Variants in LIMK1 observed in about 807,000 individuals in gnomAD.
LIMK1 encodes LIM domain kinase 1.
LIMK1 carries 21 observed loss-of-function variants against 77.6 expected under a neutral mutation model. That is an observed-to-expected ratio of 0.27 (90% CI 0.19 to 0.39). LIMK1 has a LOEUF of 0.39. Ranked by LOEUF, LIMK1 falls within the 10% of genes least tolerant of loss-of-function variation. The probability of loss-of-function intolerance (pLI) is 1.00; values close to 1 mark genes in which losing one functional copy is unlikely to be tolerated. For synonymous variants in LIMK1, 358 were observed against 370.0 expected, an observed-to-expected ratio of 0.97 and a Z score of 0.37; for missense variants, 696 against 901.6, an observed-to-expected ratio of 0.77 and a Z score of 2.92.
chr7:74,111,893 C>A, intron 11 of LIMK1, 40 bp from the exon 12 acceptor site: 1 of 1,576,636 alleles, frequency 6.3e-7, no homozygotes, highest in Non-Finnish European at 8.7e-7. Context: ...TGGGGTCCCT[C>A]TGCACAGCTG....
chr7:74,110,346 A>C (rs537091074), intron 10 of LIMK1: 1 of 152,078 alleles, frequency 6.6e-6, no homozygotes, highest in African/African-American at 2.4e-5. Flanking sequence ...AAAAATAAAG[A>C]TCTCCAAGGG....
At chr7:74,085,681 GGCAA>G in intron 1 of LIMK1, 63 bp from the exon 2 acceptor site, 1 of 1,299,460 alleles carries the variant, frequency 7.7e-7, no homozygotes, top group Non-Finnish European at 1.1e-6. Flanking sequence ...GGGTGGGCAG[GGCAA>G]GCTGGGCCTG....
In LIMK1 at chr7:74,084,041, G is replaced by A. The variant is rs373412508; in HGVS notation, c.51G>A (p.Glu17=). 4.0e-6 allele frequency: 6 copies of A among 1,495,460 alleles called. No individual in the cohort carries two copies. In the South Asian group the frequency reaches 5.1e-5, roughly 13 times the overall value. 92.6% of individuals were successfully genotyped at this position (1,495,460 alleles called of 1,614,324 possible). A position where few individuals can be genotyped will look rare whatever the true frequency, so the allele number is the denominator to read the frequency against. Residue 17 remains glutamate (E), a synonymous_variant, in exon 1 of 16, where the codon GAG becomes GAA. Coordinates refer to ENST00000336180, the MANE Select transcript of LIMK1 (RefSeq NM_002314.4). ...CCTGGAGGGAAGAACGTATGGGAGAGGAAGGTGCGCGGGCCGCGGGGTGTG... is the reference window on the plus strand; with the variant it reads ...CCTGGAGGGAAGAACGTATGGGAGAAGAAGGTGCGCGGGCCGCGGGGTGTG... ...CCTWREERMG[E]EGSELPVCAS...
In LIMK1 at chr7:74,105,954, C is replaced by A. The variant is rs1277225686; in HGVS notation, c.688C>A (p.Pro230Thr). ...CCGGATCTTGGAAATCAATGGCACG[C>A]CCATCCGAAATGTGCCCCTGGACGA... ...GDRILEINGT[P>T]IRNVPLDEID... The change falls in exon 6 of 16, where the codon CCC becomes ACC. Residue 230 changes from proline to threonine, a missense_variant. Physicochemically the swap from Pro to Thr is conservative, Grantham distance 38. This residue lies in a region of LIMK1 where 438 missense variants were observed against 602.3 expected (regional missense o/e 0.73). Coordinates refer to ENST00000336180, the MANE Select transcript of LIMK1 (RefSeq NM_002314.4). 17 of 1,613,964 alleles carry A rather than the reference C, an allele frequency of 1.1e-5. No homozygotes were observed. The highest frequency in any genetic ancestry group is 1.4e-5 in the Non-Finnish European group (17 of 1,180,010).
rs558872472 is a variant in LIMK1 at position 74,116,517 on chromosome 7, G to A, written c.1567+559G>A. On this transcript the variant is annotated intron_variant, in intron 13 of 15. Coordinates refer to ENST00000336180, the MANE Select transcript of LIMK1 (RefSeq NM_002314.4). ...CTCACCGGGCTGAAATCAAGACGCC[G>A]GTAGGGTGAGCTCCTTCTGCAGGCT... Among the ~76,000 whole-genome samples, 271 of 152,200 alleles carry A rather than the reference G, an allele frequency of 1.8e-3. 1 individual carries two copies. The highest frequency in any genetic ancestry group is 6.2e-3 in the African/African-American group (258 of 41,540).
chr7:74,118,583 C>T lies in LIMK1; in HGVS notation c.1568-2000C>T, dbSNP rs1799868565. Among the ~76,000 whole-genome samples the T allele has an allele frequency of 2.6e-5, 4 of 151,828 alleles. No individual in the cohort carries two copies. The South Asian group carries it at 8.3e-4, about 31-fold the overall frequency. ...TGGCCAACACAGTGAAACCCCATCT[C>T]TACTAAAAATACAAAAATTAGCTGG... On this transcript the variant is annotated intron_variant, in intron 13 of 15. Transcript: ENST00000336180.
intron 9 of LIMK1, among the ~76,000 whole-genome samples, chr7:74,108,262 C>T (rs531986990): frequency 6.6e-6 from 1 of 152,120 alleles, no homozygotes; most frequent in Non-Finnish European, 1.5e-5. Context: ...CGCTTGAGCC[C>T]AGGAGTTGGA....
At chr7:74,107,785 G>A in intron 8 of LIMK1, 86 bp from the exon 9 acceptor site, 1 of 988,152 alleles carries the variant, frequency 1.0e-6, no homozygotes, top group Non-Finnish European at 1.6e-6. Flanking sequence ...ACATCTCCCT[G>A]GCAGTCCTGG....
intron 11 of LIMK1, 72 bp downstream of exon 11, chr7:74,111,779 C>T: frequency 6.6e-7 from 1 of 1,521,710 alleles, no homozygotes; most frequent in Non-Finnish European, 9.1e-7. Context: ...CACAAAGAAG[C>T]TTTGAAAGAG....
rs781884611 is a variant in LIMK1 at position 74,107,087 on chromosome 7, G to A, written c.959G>A (p.Arg320His). 2.0e-5 allele frequency: 33 copies of A among 1,611,024 alleles called. No homozygotes were observed. The highest frequency in any genetic ancestry group is 4.0e-5 in the African/African-American group (3 of 75,026). ...SPASQRKDLG[R>H]SESLRVVCRP... ...GCCTCCCAGCGCAAGGACCTGGGTCGCTCTGAGTCCCTCCGCGTAGTCTGC... is the reference window on the plus strand; with the variant it reads ...GCCTCCCAGCGCAAGGACCTGGGTCACTCTGAGTCCCTCCGCGTAGTCTGC... The change falls in exon 8 of 16, where the codon CGC becomes CAC. Residue 320 changes from arginine (R) to histidine (H), a missense_variant. Arg to His is a conservative substitution (Grantham distance 29, BLOSUM62 0). Around this residue, in one of 3 missense-constraint regions of LIMK1, gnomAD observed 438 missense variants for 602.3 expected, o/e 0.73. Coordinates refer to ENST00000336180, the MANE Select transcript of LIMK1 (RefSeq NM_002314.4).
chr7:74,094,960 C>A (rs558419405), intron 2 of LIMK1, among the ~76,000 whole-genome samples: 4 of 152,184 alleles, frequency 2.6e-5, no homozygotes, highest in African/African-American at 9.7e-5. Flanking sequence ...CCCCTTTACT[C>A]CCACCCCTTC....
At chr7:74,088,271 T>C (rs1221657760) in intron 2 of LIMK1, among the ~76,000 whole-genome samples, 1 of 152,142 alleles carries the variant, frequency 6.6e-6, no homozygotes, top group Non-Finnish European at 1.5e-5. Flanking sequence ...TCAGTGTGGC[T>C]GAAAGGAGAC....
Position 74,108,949 on chromosome 7 carries a change from C to G in LIMK1, c.1197C>G (p.Phe399Leu). 6.2e-7 allele frequency: 1 copy of G among 1,614,098 alleles called. No individual in the cohort carries two copies. Among genetic ancestry groups the G allele is most frequent in the East Asian group, 2.2e-5 (1 of 44,852 alleles). Reference protein sequence around the residue: ...RCLEHPNVLKFIGVLYKDKRL... With the variant: ...RCLEHPNVLKLIGVLYKDKRL... ...TGGAACACCCCAACGTGCTCAAGTT[C>G]ATCGGGGTGCTCTACAAGGACAAGA... Residue 399 changes from phenylalanine to leucine, a missense_variant, in exon 10 of 16, where the codon TTC becomes TTG. Physicochemically the swap from Phe to Leu is conservative, Grantham distance 22 (BLOSUM62 0). Coordinates refer to ENST00000336180, the MANE Select transcript of LIMK1 (RefSeq NM_002314.4).
intron 13 of LIMK1, among the ~76,000 whole-genome samples, chr7:74,116,920 C>CT (rs1799826249): frequency 1.3e-5 from 2 of 151,682 alleles, no homozygotes; most frequent in South Asian, 4.2e-4. Context: ...CTCGCTGTGT[C>CT]TCCCAGGCTA....
chr7:74,105,051 G>A (rs1488832918), intron 5 of LIMK1, among the ~76,000 whole-genome samples: 1 of 152,154 alleles, frequency 6.6e-6, no homozygotes, highest in Non-Finnish European at 1.5e-5. Flanking sequence ...CACCTCCCAG[G>A]TTCAAGCAAT....
chr7:74,106,285 C>A, intron 7 of LIMK1, 42 bp downstream of exon 7: 3 of 1,562,112 alleles, frequency 1.9e-6, no homozygotes, highest in Middle Eastern at 3.7e-4. Context: ...TGCTTTCACT[C>A]CTGCTGGGGC....
chr7:74,107,216 A>C (rs782221295), intron 8 of LIMK1, 23 bp downstream of exon 8: 1 of 1,588,322 alleles, frequency 6.3e-7, no homozygotes, highest in Non-Finnish European at 8.6e-7. Context: ...CCAGGGTCTC[A>C]GGGGACAGTC....
rs1315239287 is a variant in LIMK1 at position 74,093,131 on chromosome 7, G to A, written c.153-3491G>A. On this transcript the variant is annotated intron_variant, in intron 2 of 15. Coordinates refer to ENST00000336180, the MANE Select transcript of LIMK1 (RefSeq NM_002314.4). ...GCCTCCTCCTGTGCGCTGCAGCCAC[G>A]CTGGCCCCACCCTCTGCAGCCTCCA... 1.1e-5 allele frequency: 16 copies of A among 1,446,042 alleles called. No homozygotes were observed. In the East Asian group the frequency reaches 3.1e-4, roughly 28 times the overall value. The allele number at this position is 1,446,042 out of a possible 1,614,324, so 89.6% of individuals were successfully genotyped here.
intron 14 of LIMK1, 78 bp downstream of exon 14, chr7:74,120,716 G>A: frequency 1.3e-6 from 2 of 1,568,606 alleles, no homozygotes; most frequent in Non-Finnish European, 1.8e-6. Flanking sequence ...CTCAGCATCT[G>A]CAGGGGCCTC....
Sources: allele counts gnomAD v4.1 joint callset (sites outside exome capture counted in the v4.1 genomes callset), GRCh38; gene constraint gnomAD v4.1.1; regional missense constraint gnomAD v4.1.1; transcripts MANE v1.5; gene names NCBI Gene and HGNC (gene_info 2026-07-23, HGNC 2026-07-21).